Variants in CFAP100 observed in about 807,000 individuals in gnomAD.
The protein encoded by CFAP100 is cilia- and flagella-associated protein 100.
CFAP100 carries 70 observed loss-of-function variants against 81.5 expected under a neutral mutation model. That is an observed-to-expected ratio of 0.86 (90% CI 0.71 to 1.05). CFAP100 has a LOEUF of 1.05. Among genes scored for constraint, CFAP100 ranks in the 50% least tolerant of loss-of-function variants. The pLI, the probability that CFAP100 is intolerant of heterozygous loss-of-function variation, is 0.00. For missense variants in CFAP100, 811 were observed against 776.5 expected (o/e 1.04, Z -0.53); for synonymous variants, 341 against 314.8 (o/e 1.08, Z -0.88).
intron 2 of CFAP100, among the ~76,000 whole-genome samples, chr3:126,400,721 C>T (rs1056499944): frequency 3.3e-5 from 5 of 151,776 alleles, no homozygotes; most frequent in African/African-American, 1.2e-4. Flanking sequence ...CACTGCACTC[C>T]AGCCTGGGCG....
intron 1 of CFAP100, 60 bp from the exon 2 acceptor site, chr3:126,395,882 A>AG: frequency 1.2e-6 from 1 of 845,170 alleles, no homozygotes; most frequent in East Asian, 2.5e-5. Flanking sequence ...TCAGCCACCC[A>AG]GGGGGAAGGA....
intron 5 of CFAP100, among the ~76,000 whole-genome samples, chr3:126,417,085 C>G (rs1261151850): frequency 2.0e-5 from 3 of 152,172 alleles, no homozygotes; most frequent in Non-Finnish European, 2.9e-5. Context: ...GCAGGCTGCA[C>G]AGCGTAGAAG....
At chr3:126,395,692 T>C (rs2082877299) in intron 1 of CFAP100, among the ~76,000 whole-genome samples, 2 of 150,744 alleles carry the variant, frequency 1.3e-5, no homozygotes, top group African/African-American at 5.0e-5. Context: ...TGGGAGAATA[T>C]TTTTTGGCCG....
In CFAP100 at chr3:126,423,367, C is replaced by A. The variant is rs374653507; in HGVS notation, c.1125C>A (p.Ser375Arg). The A allele has an allele frequency of 6.2e-7, 1 of 1,613,508 alleles. No homozygotes were observed. The highest frequency in any genetic ancestry group is 8.5e-7 in the Non-Finnish European group (1 of 1,179,832). Residue 375 changes from serine (S) to arginine (R), a missense_variant, in exon 12 of 17, where the codon AGC (serine) becomes AGA (arginine). Ser to Arg is a moderately radical substitution (Grantham distance 110). Coordinates refer to ENST00000352312, the MANE Select transcript of CFAP100 (RefSeq NM_182628.3). ...CCCCCACGCAGGAGGACACCGACAG[C>A]GATGGGGAGGTGAATGGCCCAGTGC... is the stretch of plus-strand genomic sequence containing the variant. ...PIPPTQEDTD[S>R]DGEEPQLYFT...
At chr3:126,396,107 C>A in intron 2 of CFAP100, 58 bp downstream of exon 2, 1 of 1,314,764 alleles carries the variant, frequency 7.6e-7, no homozygotes, top group Non-Finnish European at 1.1e-6. Flanking sequence ...CGGAGCCTGT[C>A]CAGCTCCCTC....
At chr3:126,399,224 C>T (rs939135798) in intron 2 of CFAP100, among the ~76,000 whole-genome samples, 16 of 152,188 alleles carry the variant, frequency 1.1e-4, no homozygotes, top group African/African-American at 2.9e-4. Flanking sequence ...ACCTGTGTTG[C>T]TTACTGTCTC....
At chr3:126,406,360 G>C (rs1433014335) in intron 2 of CFAP100, among the ~76,000 whole-genome samples, 1 of 152,140 alleles carries the variant, frequency 6.6e-6, no homozygotes, top group Non-Finnish European at 1.5e-5. Context: ...TTCACTCCGG[G>C]ACCACACAGT....
In CFAP100 at chr3:126,401,397, TTATATATATATATATATATATA is replaced by T. The variant is rs58055481; in HGVS notation, c.49+5373_49+5394del. Among the ~76,000 whole-genome samples the T allele has an allele frequency of 5.1e-4, 39 of 76,216 alleles. 1 individual carries two copies. The South Asian group carries it at 7.2e-3, about 14-fold the overall frequency. 50.0% of individuals were successfully genotyped at this position (76,216 alleles called of 152,430 possible). On this transcript the variant is annotated intron_variant, in intron 2 of 16. Coordinates refer to ENST00000352312, the MANE Select transcript of CFAP100 (RefSeq NM_182628.3). Reference sequence around the variant, plus strand: ...ATGGCATAAAATGGCAAATCGTATTTTATATATATATATATATATATATATATATATATATATATATATATAG... The same window carrying T: ...ATGGCATAAAATGGCAAATCGTATTTTATATATATATATATATATATATAG...
In CFAP100 at chr3:126,419,176, T is replaced by G; in HGVS notation, c.731+20T>G. On this transcript the variant is annotated intron_variant, in intron 8 of 16. Coordinates refer to ENST00000352312, the MANE Select transcript of CFAP100 (RefSeq NM_182628.3). ...CAAAAGGTGAGGTCAGAGGGCATGCTGGCCATTGGCTGGCCCACCTCCTGG... is the reference window on the plus strand; with the variant it reads ...CAAAAGGTGAGGTCAGAGGGCATGCGGGCCATTGGCTGGCCCACCTCCTGG... 3 of 1,491,210 alleles carry G rather than the reference T, an allele frequency of 2.0e-6. No individual in the cohort carries two copies. The highest frequency in any genetic ancestry group is 2.4e-5 in the East Asian group (1 of 41,600). The allele number at this position is 1,491,210 out of a possible 1,614,324, so 92.4% of individuals were successfully genotyped here.
intron 2 of CFAP100, among the ~76,000 whole-genome samples, chr3:126,404,994 A>G (rs1356210790): frequency 6.6e-6 from 1 of 152,198 alleles, no homozygotes; most frequent in Non-Finnish European, 1.5e-5. Flanking sequence ...TTCAAGTCTT[A>G]AAATTTTGAT....
chr3:126,423,406 G>C (rs776272490), intron 12 of CFAP100, 30 bp downstream of exon 12: 4 of 1,610,476 alleles, frequency 2.5e-6, no homozygotes, highest in East Asian at 2.2e-5. Context: ...GCTGGAATTC[G>C]GAAGTCGCCC....
intron 15 of CFAP100, 75 bp from the exon 16 acceptor site, chr3:126,435,482 GCC>G: frequency 1.6e-6 from 2 of 1,240,882 alleles, no homozygotes; most frequent in South Asian, 2.7e-5. Flanking sequence ...ACACGGCCTG[GCC>G]TGGGGACTCC....
In CFAP100 at chr3:126,401,400, TATATATATA is replaced by T. The variant is rs2082978305; in HGVS notation, c.49+5352_49+5360del. 2.7e-3 allele frequency among the ~76,000 whole-genome samples: 110 copies of T among 40,986 alleles called. No individual in the cohort carries two copies. The Middle Eastern group carries it at 0.035, about 13-fold the overall frequency. 26.9% of individuals were successfully genotyped at this position (40,986 alleles called of 152,430 possible). On this transcript the variant is annotated intron_variant, in intron 2 of 16. Coordinates refer to ENST00000352312, the MANE Select transcript of CFAP100 (RefSeq NM_182628.3). ...GCATAAAATGGCAAATCGTATTTTA[TATATATATA>T]TATATATATATATATATATATATAT...
intron 13 of CFAP100, among the ~76,000 whole-genome samples, chr3:126,424,893 C>T (rs990105982): frequency 1.3e-5 from 2 of 152,210 alleles, no homozygotes; most frequent in African/African-American, 4.8e-5. Flanking sequence ...CGAAGAGGGT[C>T]CCAGGCAGCG....
chr3:126,406,883 G>A (rs2083071626), intron 2 of CFAP100, among the ~76,000 whole-genome samples: 1 of 152,208 alleles, frequency 6.6e-6, no homozygotes, highest in Admixed American at 6.5e-5. Context: ...AAACAGCCTT[G>A]CACTGCTACT....
chr3:126,427,110 A>G (rs974034461), intron 13 of CFAP100, among the ~76,000 whole-genome samples: 23 of 152,348 alleles, frequency 1.5e-4, no homozygotes, highest in Admixed American at 7.8e-4. Flanking sequence ...TGCAATCCCA[A>G]TGAAAATCCA....
chr3:126,435,622 GGC>G lies in CFAP100; in HGVS notation c.1699_1700del (p.Ala567ProfsTer3), dbSNP rs765899095. ...LQEEHLQRAR[A>X]RAQAEIKKKR... Reference sequence around the variant, plus strand: ...AGGAGGAGCATCTGCAGCGGGCCCGGGCGCGCGCCCAGGCTGAGATCAAGAAG... The same window carrying G: ...AGGAGGAGCATCTGCAGCGGGCCCGGGCGCGCCCAGGCTGAGATCAAGAAG... On this transcript the variant is annotated frameshift_variant, in exon 16 of 17. Coordinates refer to ENST00000352312, the MANE Select transcript of CFAP100 (RefSeq NM_182628.3). LOFTEE classifies it low-confidence loss of function (END_TRUNC). 6.2e-7 allele frequency: 1 copy of G among 1,612,378 alleles called. No homozygotes were observed. Among genetic ancestry groups the G allele is most frequent in the Non-Finnish European group, 8.5e-7 (1 of 1,178,780 alleles).
At chr3:126,409,422 T>C (rs1156334182) in intron 3 of CFAP100, among the ~76,000 whole-genome samples, 1 of 152,222 alleles carries the variant, frequency 6.6e-6, no homozygotes, top group Non-Finnish European at 1.5e-5. Context: ...TGCTATGAAG[T>C]CTTGTACATG....
At chr3:126,415,790 T>TC (rs1348971338) in intron 4 of CFAP100, among the ~76,000 whole-genome samples, 9 of 152,086 alleles carry the variant, frequency 5.9e-5, no homozygotes, top group Non-Finnish European at 8.8e-5. Flanking sequence ...AGTCCTGCCT[T>TC]CCTGCTCCTC....
Sources: gnomAD v4.1 joint callset for allele counts (sites outside exome capture counted in the v4.1 genomes callset) on GRCh38, gnomAD v4.1.1 for gene constraint, MANE v1.5 for transcripts, NCBI Gene and HGNC (gene_info 2026-07-23, HGNC 2026-07-21) for gene names.